Variants in RNF130 observed in about 807,000 individuals in gnomAD.
RNF130 encodes the protein ring finger protein 130.
Under a neutral mutation model 44.6 loss-of-function variants are expected in RNF130, and 21 were observed. That is an observed-to-expected ratio of 0.47 (90% CI 0.33 to 0.68). The LOEUF (loss-of-function observed/expected upper bound fraction) is 0.68. Ranked by LOEUF, RNF130 falls within the 30% of genes least tolerant of loss-of-function variation. The probability of loss-of-function intolerance (pLI) is 0.02; values close to 1 mark genes in which losing one functional copy is unlikely to be tolerated. For missense variants in RNF130, 479 were observed against 560.6 expected (o/e 0.85, Z 1.47); for synonymous variants, 214 against 210.4 (o/e 1.02, Z -0.15).
At chr5:180,005,761 G>T (rs1006996133) in intron 3 of RNF130, among the ~76,000 whole-genome samples, 3 of 152,084 alleles carry the variant, frequency 2.0e-5, no homozygotes, top group African/African-American at 4.8e-5. Flanking sequence ...TGCCCCCAAA[G>T]AATAACTCCT....
At chr5:179,944,024 T>G (rs1254095118) in intron 7 of RNF130, among the ~76,000 whole-genome samples, 1 of 151,232 alleles carries the variant, frequency 6.6e-6, no homozygotes, top group East Asian at 1.9e-4. Flanking sequence ...CAGGCTGGAG[T>G]GCAACGGCGC....
chr5:180,061,068 CAAAAAAAAAAAAA>C (rs57744473), intron 1 of RNF130, among the ~76,000 whole-genome samples: 4 of 53,600 alleles, frequency 7.5e-5, no homozygotes, highest in African/African-American at 1.7e-4. Context: ...GACTCCGTCT[CAAAAAAAAAAAAA>C]AAAAAAAAAA....
chr5:180,041,701 G>A (rs1192777727), intron 1 of RNF130, among the ~76,000 whole-genome samples: 2 of 152,178 alleles, frequency 1.3e-5, no homozygotes, highest in African/African-American at 2.4e-5. Flanking sequence ...CAGCCCTGCC[G>A]GTCCTCTGTG....
chr5:180,046,589 G>C (rs2113151983), intron 1 of RNF130, among the ~76,000 whole-genome samples: 1 of 152,298 alleles, frequency 6.6e-6, no homozygotes, highest in East Asian at 1.9e-4. Flanking sequence ...TGCAGTGATG[G>C]TCAAAACAGG....
At position 180,041,855 on chromosome 5, in the gene RNF130, T is replaced by C. The variant is rs147769603; in HGVS notation, c.248-1208A>G. Among the ~76,000 whole-genome samples, 684 of 152,234 alleles carry C rather than the reference T, an allele frequency of 4.5e-3. 7 individuals are homozygous for C. The highest frequency in any genetic ancestry group is 0.016 in the African/African-American group (652 of 41,552). On this transcript the variant is annotated intron_variant, in intron 1 of 8. Coordinates refer to ENST00000521389, the MANE Select transcript of RNF130 (RefSeq NM_018434.6). Reference sequence around the variant, plus strand: ...ACTTTGGGAAGCCGAGGCAGGTAGATTGCTTGAGCCCAGGAGTTTGAGACC... The same window carrying C: ...ACTTTGGGAAGCCGAGGCAGGTAGACTGCTTGAGCCCAGGAGTTTGAGACC...
At chr5:179,982,128 C>T (rs987952189) in intron 3 of RNF130, among the ~76,000 whole-genome samples, 2 of 151,964 alleles carry the variant, frequency 1.3e-5, no homozygotes, top group Non-Finnish European at 2.9e-5. Context: ...ATGAGTTTTA[C>T]ATAAATGGAA....
intron 8 of RNF130, among the ~76,000 whole-genome samples, chr5:179,959,603 G>A (rs1465994878): frequency 1.3e-5 from 2 of 151,786 alleles, no homozygotes; most frequent in Non-Finnish European, 2.9e-5. Flanking sequence ...CTCCAGTCTG[G>A]GTAACAGAGC....
chr5:179,963,529 T>C lies in RNF130; in HGVS notation c.1186A>G (p.Ser396Gly), dbSNP rs750386887. 1.9e-6 allele frequency: 3 copies of C among 1,613,894 alleles called. No homozygotes were observed. The highest frequency in any genetic ancestry group is 1.3e-5 in the African/African-American group (1 of 74,924). The stretch of plus-strand genomic sequence containing the variant: ...ATCATGTAGCAGAGTGTGAGGGCAC[T>C]GAGGAGGCCAAAACTGGCAATAATA... ...WFIIASFGLLSALTLCYMIIR... is the reference protein window; with the variant it reads ...WFIIASFGLLGALTLCYMIIR... Residue 396 changes from serine (S) to glycine (G), a missense_variant, in exon 8 of 9, where the codon AGT (serine) becomes GGT (glycine). By Grantham distance (56) the Ser-to-Gly change is moderately conservative. Around this residue, in one of 3 missense-constraint regions of RNF130, gnomAD observed 161 missense variants for 158.6 expected, o/e 1.02. Coordinates refer to ENST00000521389, the MANE Select transcript of RNF130 (RefSeq NM_018434.6).
chr5:179,950,732 T>C (rs1561666469), downstream of RNF130, among the ~76,000 whole-genome samples: 1 of 152,208 alleles, frequency 6.6e-6, no homozygotes, highest in Non-Finnish European at 1.5e-5. Context: ...GAAGTCTTAA[T>C]ACTATGACTT....
At chr5:179,950,624 A>C (rs148121448), downstream of RNF130, among the ~76,000 whole-genome samples, 27 of 152,348 alleles carry the variant, frequency 1.8e-4, no homozygotes, top group East Asian at 5.2e-3. Context: ...AATGTTCCCT[A>C]AGACTGATGG....
At position 180,059,619 on chromosome 5, in the gene RNF130, T is replaced by C. The variant is rs554095333; in HGVS notation, c.247+11837A>G. On this transcript the variant is annotated intron_variant, in intron 1 of 8. Coordinates refer to ENST00000521389, the MANE Select transcript of RNF130 (RefSeq NM_018434.6). ...AGGTGCATCACTGACCTTTAAGGAG[T>C]CATAGAAAAGAAATGTTGGAAAACC... 2.7e-4 allele frequency among the ~76,000 whole-genome samples: 41 copies of C among 152,032 alleles called. 1 individual carries two copies. The highest frequency in any genetic ancestry group is 3.4e-3 in the Middle Eastern group (1 of 294).
chr5:180,015,784 G>C (rs1763713971), intron 2 of RNF130, among the ~76,000 whole-genome samples: 1 of 151,460 alleles, frequency 6.6e-6, no homozygotes, highest in South Asian at 2.1e-4. Flanking sequence ...AAGGAAAGCT[G>C]AACAGGTAGC....
At chr5:180,007,105 T>C (rs1763476750) in intron 3 of RNF130, among the ~76,000 whole-genome samples, 1 of 152,170 alleles carries the variant, frequency 6.6e-6, no homozygotes, top group Admixed American at 6.5e-5. Context: ...TGCTTCATGA[T>C]AACAGTTTGT....
chr5:180,014,775 C>A (rs1763680594), intron 2 of RNF130, among the ~76,000 whole-genome samples: 1 of 152,156 alleles, frequency 6.6e-6, no homozygotes, highest in African/African-American at 2.4e-5. Flanking sequence ...TGCTTGAGCT[C>A]AGGAGTCCAA....
intron 3 of RNF130, among the ~76,000 whole-genome samples, chr5:179,999,646 G>A (rs1203434724): frequency 6.6e-6 from 1 of 152,154 alleles, no homozygotes; most frequent in Non-Finnish European, 1.5e-5. Flanking sequence ...GAACCCGGGA[G>A]GCGAAGGTTG....
intron 1 of RNF130, among the ~76,000 whole-genome samples, chr5:180,042,509 A>G (rs1333261932): frequency 6.6e-6 from 1 of 152,218 alleles, no homozygotes; most frequent in East Asian, 1.9e-4. Flanking sequence ...ATGCACTATA[A>G]AACTTTAAAA....
intron 2 of RNF130, among the ~76,000 whole-genome samples, chr5:180,020,785 G>GAGGCAGA (rs1281528637): frequency 6.6e-6 from 1 of 152,146 alleles, no homozygotes; most frequent in African/African-American, 2.4e-5. Flanking sequence ...TTCACACACA[G>GAGGCAGA]AGGCAGAAGG....
chr5:179,986,437 C>G (rs764135483), intron 3 of RNF130, among the ~76,000 whole-genome samples: 4 of 152,304 alleles, frequency 2.6e-5, no homozygotes, highest in African/African-American at 9.6e-5. Context: ...GTGTAATATT[C>G]AAGATTCATG....
chr5:179,936,651 A>G (rs1005801898), intron 7 of RNF130, among the ~76,000 whole-genome samples: 2 of 152,188 alleles, frequency 1.3e-5, no homozygotes, highest in African/African-American at 4.8e-5. Flanking sequence ...TTGCTACTTT[A>G]AAGTAAAGCA....
Sources: allele counts gnomAD v4.1 joint callset (sites outside exome capture counted in the v4.1 genomes callset), GRCh38; gene constraint gnomAD v4.1.1; regional missense constraint gnomAD v4.1.1; transcripts MANE v1.5; gene names NCBI Gene and HGNC (gene_info 2026-07-23, HGNC 2026-07-21).